The following DLGAP1 variants were observed in gnomAD, a reference collection of about 807,000 sequenced individuals.
DLGAP1 encodes the protein DLG associated protein 1, also known as disks large-associated protein 1.
A neutral mutation model predicts 90.8 loss-of-function variants in DLGAP1; 11 were observed. The ratio of observed to expected loss-of-function variants is 0.12; its 90% CI spans 0.08 to 0.20. The LOEUF (loss-of-function observed/expected upper bound fraction) is 0.20. DLGAP1 is among the 10% of genes least tolerant of loss of function. The probability of loss-of-function intolerance (pLI) is 1.00; values close to 1 mark genes in which losing one functional copy is unlikely to be tolerated. For synonymous variants in DLGAP1, 558 were observed against 540.7 expected (o/e 1.03, Z -0.44); for missense variants, 1,050 against 1,333.8 (o/e 0.79, Z 3.31).
At chr18:3,981,297 C>T (rs1344183023) in intron 3 of DLGAP1, among the ~76,000 whole-genome samples, 1 of 152,256 alleles carries the variant, frequency 6.6e-6, no homozygotes, top group East Asian at 1.9e-4. Flanking sequence ...CAGCACAACT[C>T]AGCACAGGGA....
intron 3 of DLGAP1, among the ~76,000 whole-genome samples, chr18:3,931,248 G>A (rs2072509534): frequency 6.6e-6 from 1 of 152,146 alleles, no homozygotes; most frequent in Non-Finnish European, 1.5e-5. Context: ...TTTGGCTTGG[G>A]AATTGGGGTT....
chr18:3,616,586 CAAAACAAAAAA>C lies in DLGAP1; in HGVS notation c.1592-34349_1592-34339del, dbSNP rs200125753. Among the ~76,000 whole-genome samples, 1,425 of 142,766 alleles carry C rather than the reference CAAAACAAAAAA, an allele frequency of 1.0e-2. 29 individuals are homozygous for C. The highest frequency in any genetic ancestry group is 0.035 in the African/African-American group (1,342 of 38,590). 93.7% of individuals were successfully genotyped at this position (142,766 alleles called of 152,430 possible). A position where few individuals can be genotyped will look rare whatever the true frequency, so the allele number is the denominator to read the frequency against. On this transcript the variant is annotated intron_variant, in intron 7 of 12. Coordinates refer to ENST00000315677, the MANE Select transcript of DLGAP1 (RefSeq NM_004746.4). ...GAAACATGGTGAAACCCCATCTCCACAAAACAAAAAAAAAAAAAATTAGCCTGCTGTGGTGG... is the reference window on the plus strand; with the variant it reads ...GAAACATGGTGAAACCCCATCTCCACAAAAAAAATTAGCCTGCTGTGGTGG...
chr18:4,157,114 G>C (rs1370697153), intron 1 of DLGAP1, among the ~76,000 whole-genome samples: 2 of 151,994 alleles, frequency 1.3e-5, no homozygotes, highest in African/African-American at 4.8e-5. Context: ...TCTTGTCTGA[G>C]ATCATGGACC....
At chr18:4,364,940 T>C (rs985164629) in intron 1 of DLGAP1, among the ~76,000 whole-genome samples, 2 of 152,220 alleles carry the variant, frequency 1.3e-5, no homozygotes, top group African/African-American at 4.8e-5. Flanking sequence ...GAGCAAGTTA[T>C]TCAATTTCCA....
At chr18:3,563,744 C>T (rs1410274173) in intron 9 of DLGAP1, among the ~76,000 whole-genome samples, 1 of 152,212 alleles carries the variant, frequency 6.6e-6, no homozygotes, top group Non-Finnish European at 1.5e-5. Context: ...GCTGGGATTA[C>T]AGGCATGAGC....
rs182066573 is a variant in DLGAP1, at chr18:3,756,151, G to A, written c.1173-13639C>T. On this transcript the variant is annotated intron_variant, in intron 5 of 12. Transcript: ENST00000315677. ...TGCAAGCTCCGCCTCCCGGGTTCAC[G>A]CCATTCTCCTGCCTCAGCCTCCCGA... Among the ~76,000 whole-genome samples the A allele has an allele frequency of 3.9e-5, 6 of 152,038 alleles. No individual in the cohort carries two copies. In the East Asian group the frequency reaches 5.8e-4, roughly 15 times the overall value.
chr18:4,446,174 C>A (rs939416174), intron 1 of DLGAP1, among the ~76,000 whole-genome samples: 1 of 152,126 alleles, frequency 6.6e-6, no homozygotes, highest in African/African-American at 2.4e-5. Flanking sequence ...CCAATTGTGT[C>A]TTCACACACT....
At chr18:3,596,942 G>T in intron 7 of DLGAP1, 1 of 520,006 alleles carries the variant, frequency 1.9e-6, no homozygotes, top group South Asian at 1.4e-5. Context: ...ACACCAGCTG[G>T]TCCCCTGGGT....
chr18:4,164,030 G>A (rs1165381219), intron 1 of DLGAP1, among the ~76,000 whole-genome samples: 3 of 152,048 alleles, frequency 2.0e-5, no homozygotes, highest in Non-Finnish European at 4.4e-5. Context: ...ACGGGTGAGT[G>A]GAAACTCTGG....
intron 10 of DLGAP1, among the ~76,000 whole-genome samples, chr18:3,527,785 T>C (rs1390778552): frequency 6.6e-6 from 1 of 152,068 alleles, no homozygotes; most frequent in Non-Finnish European, 1.5e-5. Context: ...TTTGTAGAGA[T>C]AGGGTCTCTG....
At chr18:4,191,128 CA>C in intron 1 of DLGAP1, among the ~76,000 whole-genome samples, 1 of 152,152 alleles carries the variant, frequency 6.6e-6, no homozygotes, top group Admixed American at 6.5e-5. Context: ...TTCCTTTAAA[CA>C]ATCATTTTGC....
chr18:3,938,841 C>A (rs1195839838), intron 3 of DLGAP1, among the ~76,000 whole-genome samples: 1 of 152,072 alleles, frequency 6.6e-6, no homozygotes. Context: ...TGGGAATACA[C>A]AGTAGTGGAC....
chr18:4,045,432 CAAAAAAAAAAAAAAAAAAAAA>C (rs763466156), intron 2 of DLGAP1, among the ~76,000 whole-genome samples: 1 of 29,196 alleles, frequency 3.4e-5, no homozygotes, highest in East Asian at 1.9e-3. Flanking sequence ...CCCATCTCTA[CAAAAAAAAAAAAAAAAAAAAA>C]AAAAAAAAAA....
At chr18:3,911,666 A>C (rs371738546) in intron 3 of DLGAP1, among the ~76,000 whole-genome samples, 1 of 152,210 alleles carries the variant, frequency 6.6e-6, no homozygotes, top group Non-Finnish European at 1.5e-5. Context: ...AAGCAATCCA[A>C]GTCAGTTTTC....
intron 2 of DLGAP1, among the ~76,000 whole-genome samples, chr18:4,135,650 C>T (rs1265350481): frequency 2.0e-5 from 3 of 152,064 alleles, no homozygotes; most frequent in African/African-American, 7.2e-5. Flanking sequence ...TCTCTATCTC[C>T]ATTAGTTCAG....
intron 1 of DLGAP1, among the ~76,000 whole-genome samples, chr18:4,422,789 A>C (rs1277354691): frequency 6.6e-6 from 1 of 152,110 alleles, no homozygotes; most frequent in Non-Finnish European, 1.5e-5. Context: ...TGAATGTAAC[A>C]AACTTTCATT....
rs2075115800 is a variant in DLGAP1 at position 4,050,347 on chromosome 18, G to T, written c.-158-45146C>A. On this transcript the variant is annotated intron_variant, in intron 2 of 12. Coordinates refer to ENST00000315677, the MANE Select transcript of DLGAP1 (RefSeq NM_004746.4). ...ATTTACGTAATAATCCCCTAGACTT[G>T]TATGGGGTTTTGAAATATGCAAATA... 2.6e-5 allele frequency among the ~76,000 whole-genome samples: 4 copies of T among 152,198 alleles called. No individual in the cohort carries two copies. In the South Asian group the frequency reaches 8.3e-4, roughly 32 times the overall value.
At chr18:3,643,520 G>T (rs982713063) in intron 7 of DLGAP1, among the ~76,000 whole-genome samples, 1 of 151,848 alleles carries the variant, frequency 6.6e-6, no homozygotes, top group African/African-American at 2.4e-5. Flanking sequence ...AAAATTAGCC[G>T]GGCGTGGTGG....
chr18:3,571,836 C>G (rs1243263252), intron 8 of DLGAP1, among the ~76,000 whole-genome samples: 1 of 152,018 alleles, frequency 6.6e-6, no homozygotes, highest in Admixed American at 6.6e-5. Context: ...GCCTGGAGGT[C>G]TTATATTTTA....
Sources: gnomAD v4.1 joint callset for allele counts (sites outside exome capture counted in the v4.1 genomes callset) on GRCh38, gnomAD v4.1.1 for gene constraint, MANE v1.5 for transcripts, NCBI Gene and HGNC (gene_info 2026-07-23, HGNC 2026-07-21) for gene names.